TRPM6: variants seen among roughly 807,000 people sequenced by gnomAD.
TRPM6 encodes channel kinase 2.
A neutral mutation model predicts 247.6 loss-of-function variants in TRPM6; 111 were observed. That is an observed-to-expected ratio of 0.45 (90% CI 0.38 to 0.52). TRPM6 has a LOEUF of 0.52. Ranked by LOEUF, TRPM6 falls within the 20% of genes least tolerant of loss-of-function variation. TRPM6 has a pLI of 0.00. For synonymous variants in TRPM6, 892 were observed against 853.8 expected, an observed-to-expected ratio of 1.04 and a Z score of -0.78; for missense variants, 2,126 against 2,421.5, an observed-to-expected ratio of 0.88 and a Z score of 2.56.
chr9:74,866,121 G>A (rs761968611), intron 1 of TRPM6, among the ~76,000 whole-genome samples: 5 of 152,156 alleles, frequency 3.3e-5, no homozygotes, highest in East Asian at 1.9e-4. Flanking sequence ...GCAACATATC[G>A]AGACCCCGTG....
At chr9:74,811,099 T>C (rs1479975845) in intron 12 of TRPM6, among the ~76,000 whole-genome samples, 1 of 152,208 alleles carries the variant, frequency 6.6e-6, no homozygotes, top group Non-Finnish European at 1.5e-5. Context: ...ATAAAGACTT[T>C]ATGTGATAAG....
intron 24 of TRPM6, among the ~76,000 whole-genome samples, chr9:74,775,174 A>G (rs1347746092): frequency 1.3e-5 from 2 of 152,202 alleles, no homozygotes; most frequent in Admixed American, 1.3e-4. Context: ...TAAGCTTATG[A>G]AAAAACACAA....
At chr9:74,754,852 C>G (rs1165166520) in intron 28 of TRPM6, among the ~76,000 whole-genome samples, 3 of 152,182 alleles carry the variant, frequency 2.0e-5, no homozygotes, top group Non-Finnish European at 4.4e-5. Context: ...GTATTCATTC[C>G]TAGCTGGTTG....
chr9:74,758,996 T>C (rs1826530932), intron 27 of TRPM6, among the ~76,000 whole-genome samples: 1 of 152,096 alleles, frequency 6.6e-6, no homozygotes, highest in African/African-American at 2.4e-5. Context: ...GATATTAAAA[T>C]TGTTAACTAA....
chr9:74,782,965 A>G (rs1827516305), intron 21 of TRPM6, 112 bp from the exon 22 acceptor site: 1 of 1,044,968 alleles, frequency 9.6e-7, no homozygotes, highest in South Asian at 1.3e-5. Context: ...TTGTCTAGTC[A>G]TTGACTAAAA....
intron 1 of TRPM6, among the ~76,000 whole-genome samples, chr9:74,868,019 T>C (rs1830906712): frequency 6.6e-6 from 1 of 151,012 alleles, no homozygotes. Context: ...CTGGGCATGG[T>C]GGCACAGGCC....
intron 3 of TRPM6, among the ~76,000 whole-genome samples, chr9:74,847,118 C>T (rs1186273677): frequency 6.6e-6 from 1 of 152,166 alleles, no homozygotes; most frequent in Admixed American, 6.5e-5. Flanking sequence ...CTGAAAATGG[C>T]TGACAATGTC....
intron 37 of TRPM6, among the ~76,000 whole-genome samples, chr9:74,730,912 GT>G (rs1417440005): frequency 6.6e-6 from 1 of 152,128 alleles, no homozygotes; most frequent in Non-Finnish European, 1.5e-5. Context: ...AGTTTCCAGA[GT>G]TCCTATCCTT....
chr9:74,797,310 C>A (rs1290864779), intron 17 of TRPM6, among the ~76,000 whole-genome samples: 3 of 152,098 alleles, frequency 2.0e-5, no homozygotes, highest in Non-Finnish European at 4.4e-5. Context: ...CTCTTGGTGT[C>A]CAAAGGGGAT....
intron 11 of TRPM6, among the ~76,000 whole-genome samples, chr9:74,815,121 G>A (rs1272224139): frequency 6.6e-6 from 1 of 152,124 alleles, no homozygotes; most frequent in African/African-American, 2.4e-5. Context: ...AACAAAGGTT[G>A]GGGGTGTTAC....
intron 18 of TRPM6, among the ~76,000 whole-genome samples, chr9:74,794,035 A>T (rs1828002155): frequency 6.6e-6 from 1 of 152,188 alleles, no homozygotes; most frequent in Admixed American, 6.5e-5. Flanking sequence ...AAGAGACAAG[A>T]CAAGACAAGA....
chr9:74,776,224 C>T, intron 23 of TRPM6, 148 bp from the exon 24 acceptor site: 2 of 720,394 alleles, frequency 2.8e-6, no homozygotes, highest in Non-Finnish European at 5.0e-6. Flanking sequence ...TACAATTCTT[C>T]TTCCACCAAA....
At chr9:74,747,856 T>G in intron 31 of TRPM6, 33 bp downstream of exon 31, 1 of 1,557,098 alleles carries the variant, frequency 6.4e-7, no homozygotes, top group Non-Finnish European at 8.8e-7. Flanking sequence ...GATGAAAAAA[T>G]AAAAAATAAA....
chr9:74,790,033 T>TGGGG (rs1365849658), intron 19 of TRPM6, among the ~76,000 whole-genome samples: 2 of 148,040 alleles, frequency 1.4e-5, no homozygotes, highest in East Asian at 2.0e-4. Flanking sequence ...TGTGTGTGTG[T>TGGGG]GTGGGTTCAT....
chr9:74,737,310 T>C, intron 36 of TRPM6: 1 of 1,212,254 alleles, frequency 8.2e-7, no homozygotes, highest in Non-Finnish European at 1.1e-6. Context: ...GTCACATCCT[T>C]GAGCATGTGA....
rs200422532 is a variant in TRPM6, at chr9:74,733,153, G to T, written c.5777-417C>A. Reference sequence around the variant, plus strand: ...TGAGGCAGAGGTTGCAGTGAGCCGAGATCACGCCACTGCATTCAAGCCTGG... The same window carrying T: ...TGAGGCAGAGGTTGCAGTGAGCCGATATCACGCCACTGCATTCAAGCCTGG... On this transcript the variant is annotated intron_variant, in intron 36 of 38. Transcript: ENST00000360774. Among the ~76,000 whole-genome samples the T allele has an allele frequency of 2.0e-5, 3 of 150,684 alleles. No homozygotes were observed. The East Asian group carries it at 5.8e-4, about 29-fold the overall frequency.
At chr9:74,794,095 T>C (rs1828004041) in intron 18 of TRPM6, among the ~76,000 whole-genome samples, 1 of 152,052 alleles carries the variant, frequency 6.6e-6, no homozygotes, top group African/African-American at 2.4e-5. Flanking sequence ...AATGTAAGGG[T>C]AGCGAAAGGA....
intron 27 of TRPM6, among the ~76,000 whole-genome samples, chr9:74,760,063 T>C (rs1388875400): frequency 1.3e-5 from 2 of 152,220 alleles, no homozygotes; most frequent in East Asian, 1.9e-4. Flanking sequence ...AACTGAAAAA[T>C]GCCTGTCACC....
Position 74,747,513 on chromosome 9 carries a change from T to C in TRPM6, c.5083+376A>G, listed in dbSNP as rs374509977. 9.2e-5 allele frequency among the ~76,000 whole-genome samples: 14 copies of C among 152,288 alleles called. No homozygotes were observed. In the East Asian group the frequency reaches 1.3e-3, roughly 15 times the overall value. On this transcript the variant is annotated intron_variant, in intron 31 of 38. Transcript: ENST00000360774. ...TTTAGCCATTTGGGGCCCCAGATCT[T>C]ACTAAAACCCTACAGGAAAAGGCAC...
Sources: allele counts gnomAD v4.1 joint callset (sites outside exome capture counted in the v4.1 genomes callset), GRCh38; gene constraint gnomAD v4.1.1; transcripts MANE v1.5; gene names NCBI Gene and HGNC (gene_info 2026-07-23, HGNC 2026-07-21).